The following AP1M1 variants were observed in gnomAD, a reference collection of about 807,000 sequenced individuals.
AP1M1 encodes AP-1 complex subunit mu-1.
AP1M1 carries 18 observed loss-of-function variants against 57.1 expected under a neutral mutation model. The observed-to-expected ratio is 0.32, with a 90% CI of 0.22 to 0.47. AP1M1 has a LOEUF of 0.47. AP1M1 is among the 20% of genes least tolerant of loss of function. The probability of loss-of-function intolerance (pLI) is 1.00; values close to 1 mark genes in which losing one functional copy is unlikely to be tolerated. For synonymous variants in AP1M1, 241 were observed against 237.9 expected (o/e 1.01, Z -0.12); for missense variants, 362 against 593.5 (o/e 0.61, Z 4.05).
rs756157199 is a variant in AP1M1 at position 16,228,829 on chromosome 19, G to T, written c.948G>T (p.Val316=). 1 of 1,614,150 alleles carries T rather than the reference G, an allele frequency of 6.2e-7. No homozygotes were observed. The highest frequency in any genetic ancestry group is 1.1e-5 in the South Asian group (1 of 91,080). The part of the protein sequence containing the change: ...TANNVEIHIP[V]PNDADSPKFK... Reference sequence around the variant, plus strand: ...ACAACGTGGAGATCCACATTCCCGTGCCCAATGATGCCGACTCACCCAAGT... The same window carrying T: ...ACAACGTGGAGATCCACATTCCCGTTCCCAATGATGCCGACTCACCCAAGT... The change falls in exon 9 of 12, where the codon GTG becomes GTT. Residue 316 remains valine (V), a synonymous_variant. Transcript: ENST00000291439. The surrounding 1 kb of genome is among the most constrained non-coding windows in gnomAD (Gnocchi z 5.0).
intron 5 of AP1M1, among the ~76,000 whole-genome samples, chr19:16,215,662 G>A (rs1332387839): frequency 2.6e-5 from 4 of 151,872 alleles, no homozygotes; most frequent in Non-Finnish European, 5.9e-5. Flanking sequence ...ATGATCTTGT[G>A]AAGTATTTTG....
Position 16,228,736 on chromosome 19 carries a change from C to G in AP1M1, c.889-34C>G. 1 of 1,611,184 alleles carries G rather than the reference C, an allele frequency of 6.2e-7. No homozygotes were observed. Among genetic ancestry groups the G allele is most frequent in the Non-Finnish European group, 8.5e-7 (1 of 1,178,492 alleles). Reference sequence around the variant, plus strand: ...GAGGCTGGCCAGCTCACCTTGGCCTCCATAACCCCGGGCCGCATTGGCCTG... The same window carrying G: ...GAGGCTGGCCAGCTCACCTTGGCCTGCATAACCCCGGGCCGCATTGGCCTG... On this transcript the variant is annotated intron_variant, in intron 8 of 11. Transcript: ENST00000291439. The surrounding 1 kb of genome is among the most constrained non-coding windows in gnomAD (Gnocchi z 5.0).
chr19:16,213,933 A>G (rs1377098335), intron 5 of AP1M1, among the ~76,000 whole-genome samples: 1 of 151,936 alleles, frequency 6.6e-6, no homozygotes, highest in Non-Finnish European at 1.5e-5. Flanking sequence ...TGATCCTGTC[A>G]TTGTGTTGTT....
In AP1M1 at chr19:16,202,121, C is replaced by T. The variant is rs376144088; in HGVS notation, c.43-1338C>T. ...TCCCTCCAATCAGTTCCACAGGCCA[C>T]GAAGCAGACACTAGGAAAGGAAGGT... On this transcript the variant is annotated intron_variant, in intron 1 of 11. Coordinates refer to ENST00000291439, the MANE Select transcript of AP1M1 (RefSeq NM_032493.4). Among the ~76,000 whole-genome samples the T allele has an allele frequency of 9.8e-5, 15 of 152,320 alleles. No homozygotes were observed. The East Asian group carries it at 2.5e-3, about 25-fold the overall frequency.
chr19:16,218,008 T>TA (rs2091526134), intron 5 of AP1M1, among the ~76,000 whole-genome samples: 1 of 152,202 alleles, frequency 6.6e-6, no homozygotes, highest in African/African-American at 2.4e-5. Context: ...ACTTGGAAGT[T>TA]ACTACCCTTT....
Position 16,227,104 on chromosome 19 carries a change from A to G in AP1M1, c.674-444A>G, listed in dbSNP as rs911647700. Among the ~76,000 whole-genome samples, 2 of 152,020 alleles carry G rather than the reference A, an allele frequency of 1.3e-5. No individual in the cohort carries two copies. The highest frequency in any genetic ancestry group is 2.9e-5 in the Non-Finnish European group (2 of 67,938). On this transcript the variant is annotated intron_variant, in intron 6 of 11. Coordinates refer to ENST00000291439, the MANE Select transcript of AP1M1 (RefSeq NM_032493.4). This position sits in a 1 kb window ranked among gnomAD's most constrained non-coding sequence, Gnocchi z 6.2. ...GTGAGGGCTTCTCGGGCATCAGTCT[A>G]TCAGGGCAGCTCCCCGCCTGGGGCT...
chr19:16,233,461 A>G, intron 9 of AP1M1, 32 bp from the exon 10 acceptor site: 1 of 1,566,318 alleles, frequency 6.4e-7, no homozygotes, highest in Non-Finnish European at 8.6e-7. Context: ...GGCAGGGCCT[A>G]GGCCTGAGCG....
rs1332630398 is a variant in AP1M1 at position 16,237,542 on chromosome 19, G to A, written c.*3107G>A. 2.6e-5 allele frequency: 4 copies of A among 151,844 alleles called. No homozygotes were observed. Among genetic ancestry groups the A allele is most frequent in the Non-Finnish European group, 4.4e-5 (3 of 67,998 alleles). 9.4% of individuals were successfully genotyped at this position (151,844 alleles called of 1,614,324 possible). The stretch of plus-strand genomic sequence containing the variant: ...GAGGTCAGGAGTCCGAGACCAACCT[G>A]GCCAACATGGCGAGACCCCATCTCT... On this transcript the variant is annotated 3_prime_UTR_variant, in exon 12 of 12. Coordinates refer to ENST00000291439, the MANE Select transcript of AP1M1 (RefSeq NM_032493.4).
At chr19:16,233,780 C>T (rs1026515976) in intron 10 of AP1M1, among the ~76,000 whole-genome samples, 162 bp downstream of exon 10, 5 of 152,166 alleles carry the variant, frequency 3.3e-5, no homozygotes, top group African/African-American at 9.7e-5. Flanking sequence ...GCCAGGCTGC[C>T]TCTGCTCAGC....
Position 16,198,490 on chromosome 19 carries a change from C to A in AP1M1, c.42+422C>A, listed in dbSNP as rs545048455. Among the ~76,000 whole-genome samples, 4 of 152,298 alleles carry A rather than the reference C, an allele frequency of 2.6e-5. No homozygotes were observed. In the East Asian group the frequency reaches 5.8e-4, roughly 22 times the overall value. ...ACTGGGTGCTCTCGAGCCAGTCCCG[C>A]CTTCTCAGGGCGTTACAGCTTCTGT... On this transcript the variant is annotated intron_variant, in intron 1 of 11. Coordinates refer to ENST00000291439, the MANE Select transcript of AP1M1 (RefSeq NM_032493.4).
chr19:16,225,390 T>C (rs935300958), intron 5 of AP1M1, among the ~76,000 whole-genome samples: 2 of 105,750 alleles, frequency 1.9e-5, no homozygotes, highest in African/African-American at 5.5e-5. Context: ...CATAGCAGTG[T>C]GCAGTGGTGG....
In AP1M1 at chr19:16,206,151, G is replaced by A. The variant is rs1193430584; in HGVS notation, c.200-190G>A. Among the ~76,000 whole-genome samples the A allele has an allele frequency of 1.3e-5, 2 of 152,108 alleles. No homozygotes were observed. The highest frequency in any genetic ancestry group is 2.4e-5 in the African/African-American group (1 of 41,410). ...TGGGGCCTGGGAGCGCATCTGGCTG[G>A]TGACTCCTGTGTCCCAGGTCTAGCT... On this transcript the variant is annotated intron_variant, in intron 2 of 11. Transcript: ENST00000291439. This position sits in a 1 kb window ranked among gnomAD's most constrained non-coding sequence, Gnocchi z 4.3.
Position 16,244,449 on chromosome 19 carries a change from GAT to G in AP1M1, c.*10015_*10016del, listed in dbSNP as rs2091655670. 1 of 152,158 alleles carries G rather than the reference GAT, an allele frequency of 6.6e-6. No homozygotes were observed. The highest frequency in any genetic ancestry group is 2.4e-5 in the African/African-American group (1 of 41,446). The allele number at this position is 152,158 out of a possible 1,614,324, so 9.4% of individuals were successfully genotyped here. A position where few individuals can be genotyped will look rare whatever the true frequency, so the allele number is the denominator to read the frequency against. ...AAATACATGAGAAAATCTAGACAAA[GAT>G]TGCATAAACAGTTTCTGGAGTTTTT... On this transcript the variant is annotated 3_prime_UTR_variant, in exon 12 of 12. Transcript: ENST00000291439.
intron 9 of AP1M1, among the ~76,000 whole-genome samples, chr19:16,229,186 C>CCTGAGGGGCA: frequency 6.6e-6 from 1 of 152,230 alleles, no homozygotes; most frequent in African/African-American, 2.4e-5. Context: ...GCAGTGCCCT[C>CCTGAGGGGCA]TCCCTCCCTC....
At chr19:16,212,110 C>T (rs759539571) in intron 5 of AP1M1, among the ~76,000 whole-genome samples, 3 of 152,110 alleles carry the variant, frequency 2.0e-5, no homozygotes, top group Non-Finnish European at 2.9e-5. Context: ...TGATGCTGGC[C>T]TCATAGAATG....
At position 16,234,673 on chromosome 19, in the gene AP1M1, A is replaced by G. The variant is rs1407902868; in HGVS notation, c.*238A>G. Reference sequence around the variant, plus strand: ...GTCTCGTTTCTTTGCCCCTGAAGTCAGTTTCAGGGGAAGGATGTGAAATTT... The same window carrying G: ...GTCTCGTTTCTTTGCCCCTGAAGTCGGTTTCAGGGGAAGGATGTGAAATTT... On this transcript the variant is annotated 3_prime_UTR_variant, in exon 12 of 12. Transcript: ENST00000291439. 48 of 594,870 alleles carry G rather than the reference A, an allele frequency of 8.1e-5. No individual in the cohort carries two copies. The East Asian group carries it at 8.6e-4, about 11-fold the overall frequency. 36.8% of individuals were successfully genotyped at this position (594,870 alleles called of 1,614,324 possible). A position where few individuals can be genotyped will look rare whatever the true frequency, so the allele number is the denominator to read the frequency against.
At chr19:16,199,341 G>A (rs2091437946) in intron 1 of AP1M1, among the ~76,000 whole-genome samples, 1 of 152,174 alleles carries the variant, frequency 6.6e-6, no homozygotes, top group South Asian at 2.1e-4. Flanking sequence ...CAGAGGATCT[G>A]AGAAAACTTT....
In AP1M1 at chr19:16,207,435, G is replaced by C. The variant is rs555284919; in HGVS notation, c.268-584G>C. Among the ~76,000 whole-genome samples the C allele has an allele frequency of 5.3e-5, 8 of 152,138 alleles. No individual in the cohort carries two copies. The East Asian group carries it at 1.2e-3, about 22-fold the overall frequency. Reference sequence around the variant, plus strand: ...GGCCGGGTGATCACAGTCCTGAAGCGCGCAGGGGTCAGCAGATCAGAGAAT... The same window carrying C: ...GGCCGGGTGATCACAGTCCTGAAGCCCGCAGGGGTCAGCAGATCAGAGAAT... On this transcript the variant is annotated intron_variant, in intron 3 of 11. Transcript: ENST00000291439. The surrounding 1 kb of genome is among the most constrained non-coding windows in gnomAD (Gnocchi z 4.2).
Position 16,203,668 on chromosome 19 carries a change from G to A in AP1M1, c.199+53G>A. 6.5e-7 allele frequency: 1 copy of A among 1,547,296 alleles called. No homozygotes were observed. The highest frequency in any genetic ancestry group is 1.2e-5 in the South Asian group (1 of 81,164). On this transcript the variant is annotated intron_variant, in intron 2 of 11. Transcript: ENST00000291439. The surrounding 1 kb of genome is among the most constrained non-coding windows in gnomAD (Gnocchi z 4.6). ...GGGACTCCTGTGTGGGTGTTGGTGT[G>A]TGTGCATATCCACACGCCTGCAAGC...
Sources: gnomAD v4.1 joint callset for allele counts (sites outside exome capture counted in the v4.1 genomes callset) on GRCh38, gnomAD v4.1.1 for gene constraint, Gnocchi (gnomAD v3.1) non-coding constraint, MANE v1.5 for transcripts, NCBI Gene and HGNC (gene_info 2026-07-23, HGNC 2026-07-21) for gene names.